Variants in FHIT observed in about 807,000 individuals in gnomAD.
FHIT encodes the protein fragile histidine triad diadenosine triphosphatase.
Under a neutral mutation model 17.9 loss-of-function variants are expected in FHIT, and 19 were observed. That is an observed-to-expected ratio of 1.06 (90% CI 0.74 to 1.56). The LOEUF is 1.56. Ranked by LOEUF, FHIT falls within the 40% of genes most tolerant of loss-of-function variation. FHIT has a pLI of 0.00. For missense variants in FHIT, 248 were observed against 189.2 expected, an observed-to-expected ratio of 1.31 and a Z score of -1.82; for synonymous variants, 81 against 69.7, an observed-to-expected ratio of 1.16 and a Z score of -0.81.
At chr3:59,865,738 G>T (rs886325608) in intron 8 of FHIT, among the ~76,000 whole-genome samples, 77 of 152,190 alleles carry the variant, frequency 5.1e-4, no homozygotes, top group African/African-American at 1.8e-3. Flanking sequence ...TACCAGCCAA[G>T]CTTTGGATTC....
chr3:60,475,293 A>C (rs879586937), intron 5 of FHIT, among the ~76,000 whole-genome samples: 1 of 152,186 alleles, frequency 6.6e-6, no homozygotes, highest in African/African-American at 2.4e-5. Context: ...TAACTCAGTA[A>C]CTTAAATGTT....
At chr3:60,190,615 T>C (rs1239586048) in intron 5 of FHIT, among the ~76,000 whole-genome samples, 24 of 151,164 alleles carry the variant, frequency 1.6e-4, no homozygotes, top group Non-Finnish European at 1.5e-5. Context: ...GGGACTGTTG[T>C]GGGGTGGGGG....
At chr3:60,097,377 C>T (rs1016679209) in intron 5 of FHIT, among the ~76,000 whole-genome samples, 1 of 152,118 alleles carries the variant, frequency 6.6e-6, no homozygotes, top group Non-Finnish European at 1.5e-5. Flanking sequence ...ACAAAGAGGA[C>T]ACACTGCCCC....
At chr3:60,876,331 A>C (rs1319432987) in intron 3 of FHIT, among the ~76,000 whole-genome samples, 10 of 152,240 alleles carry the variant, frequency 6.6e-5, no homozygotes, top group African/African-American at 2.4e-4. Context: ...TTGCCCCTGC[A>C]ATTAGAAGTA....
At chr3:60,713,439 G>A (rs1192029454) in intron 4 of FHIT, among the ~76,000 whole-genome samples, 1 of 150,162 alleles carries the variant, frequency 6.7e-6, no homozygotes, top group Non-Finnish European at 1.5e-5. Flanking sequence ...GAGCAGAACT[G>A]AAGGAAATAG....
intron 5 of FHIT, among the ~76,000 whole-genome samples, chr3:60,323,919 A>G (rs780392687): frequency 3.9e-5 from 6 of 152,182 alleles, no homozygotes; most frequent in Admixed American, 2.6e-4. Flanking sequence ...CCCCCTGGCT[A>G]ATGAGAAGGG....
At chr3:60,993,282 G>A (rs151326604) in intron 3 of FHIT, among the ~76,000 whole-genome samples, 165 of 152,292 alleles carry the variant, frequency 1.1e-3, no homozygotes, top group Non-Finnish European at 1.9e-3. Context: ...TTTAGTCTTC[G>A]TCTCTGGGTA....
intron 3 of FHIT, among the ~76,000 whole-genome samples, chr3:60,871,889 C>CT (rs1704433057): frequency 6.6e-6 from 1 of 151,994 alleles, no homozygotes; most frequent in East Asian, 1.9e-4. Context: ...TCTTGAACTT[C>CT]TGGACTCAAA....
At chr3:60,045,352 A>G (rs959119656) in intron 5 of FHIT, among the ~76,000 whole-genome samples, 1 of 152,134 alleles carries the variant, frequency 6.6e-6, no homozygotes, top group Non-Finnish European at 1.5e-5. Context: ...GGCAGAAGAC[A>G]AGGAGGAGCA....
At chr3:59,947,720 C>G (rs1484033245) in intron 7 of FHIT, among the ~76,000 whole-genome samples, 2 of 152,126 alleles carry the variant, frequency 1.3e-5, no homozygotes, top group African/African-American at 4.8e-5. Flanking sequence ...GCTGGAGGGG[C>G]ATAGGTGTTC....
At chr3:60,119,720 C>G (rs1180974304) in intron 5 of FHIT, among the ~76,000 whole-genome samples, 3 of 152,150 alleles carry the variant, frequency 2.0e-5, no homozygotes, top group Non-Finnish European at 4.4e-5. Flanking sequence ...TCATTGAGTA[C>G]TGGTGACTCA....
At chr3:60,218,534 A>C (rs1703805525) in intron 5 of FHIT, among the ~76,000 whole-genome samples, 1 of 152,148 alleles carries the variant, frequency 6.6e-6, no homozygotes, top group Non-Finnish European at 1.5e-5. Context: ...AATAACAAAC[A>C]CATATGGCCT....
rs528711137 is a variant in FHIT, at chr3:59,943,604, C to T, written c.280-21190G>A. ...ACCTTACTCCTGTCTGTAAAAGGCA[C>T]CAATATTGTCCTATGAGGCCCTGGC... On this transcript the variant is annotated intron_variant, in intron 7 of 9. Transcript: ENST00000492590. Among the ~76,000 whole-genome samples the T allele has an allele frequency of 4.6e-5, 7 of 152,202 alleles. No homozygotes were observed. The South Asian group carries it at 1.5e-3, about 32-fold the overall frequency.
chr3:60,569,312 A>C (rs973507000), intron 4 of FHIT, among the ~76,000 whole-genome samples: 2 of 152,124 alleles, frequency 1.3e-5, no homozygotes, highest in African/African-American at 4.8e-5. Flanking sequence ...CCACCAAAGG[A>C]CACTGGCGTG....
intron 3 of FHIT, among the ~76,000 whole-genome samples, chr3:61,028,004 T>C (rs550560417): frequency 1.3e-5 from 2 of 152,296 alleles, no homozygotes; most frequent in South Asian, 4.2e-4. Context: ...AAATTGACCA[T>C]TATTTTAAAC....
At chr3:60,808,097 G>A (rs1553734900) in intron 4 of FHIT, among the ~76,000 whole-genome samples, 2 of 152,276 alleles carry the variant, frequency 1.3e-5, no homozygotes, top group East Asian at 1.9e-4. Context: ...CCACTACTAT[G>A]ACTGCAATTG....
intron 5 of FHIT, among the ~76,000 whole-genome samples, chr3:60,353,553 C>G (rs1035158351): frequency 4.6e-5 from 7 of 152,062 alleles, no homozygotes; most frequent in African/African-American, 9.7e-5. Flanking sequence ...TCAATTTAGA[C>G]AACAAATTAA....
intron 3 of FHIT, among the ~76,000 whole-genome samples, chr3:60,919,621 G>A (rs1388846349): frequency 6.6e-6 from 1 of 152,074 alleles, no homozygotes; most frequent in Non-Finnish European, 1.5e-5. Flanking sequence ...GAGTGGGTAG[G>A]AAAGGATAAA....
At chr3:60,964,897 C>T (rs1347731358) in intron 3 of FHIT, among the ~76,000 whole-genome samples, 3 of 152,160 alleles carry the variant, frequency 2.0e-5, no homozygotes, top group Non-Finnish European at 4.4e-5. Context: ...GTGAATCTGA[C>T]AATTATGTGT....
Sources: allele counts gnomAD v4.1 joint callset (sites outside exome capture counted in the v4.1 genomes callset), GRCh38; gene constraint gnomAD v4.1.1; transcripts MANE v1.5; gene names NCBI Gene and HGNC (gene_info 2026-07-23, HGNC 2026-07-21).